The following SCN1A variants were observed in gnomAD, a reference collection of about 807,000 sequenced individuals.
The protein encoded by SCN1A is sodium channel protein type 1 subunit alpha.
SCN1A carries 13 observed loss-of-function variants against 193.7 expected under a neutral mutation model. That is an observed-to-expected ratio of 0.07 (90% CI 0.04 to 0.11). SCN1A has a LOEUF of 0.11. SCN1A is among the 10% of genes least tolerant of loss of function. The pLI, the probability that SCN1A is intolerant of heterozygous loss-of-function variation, is 1.00. For synonymous variants in SCN1A, 781 were observed against 843.6 expected, an observed-to-expected ratio of 0.93 and a Z score of 1.29; for missense variants, 1,432 against 2,451.1, an observed-to-expected ratio of 0.58 and a Z score of 8.78.
At chr2:166,105,160 G>GAA (rs1688551637) in intron 2 of SCN1A, among the ~76,000 whole-genome samples, 2 of 152,186 alleles carry the variant, frequency 1.3e-5, no homozygotes, top group Admixed American at 6.5e-5. Context: ...ATACTCTTTA[G>GAA]AAAGTGATGA....
At chr2:166,006,091 GAATT>G (rs1441847124) in intron 23 of SCN1A, among the ~76,000 whole-genome samples, 14 of 151,262 alleles carry the variant, frequency 9.3e-5, no homozygotes, top group African/African-American at 3.4e-4. Flanking sequence ...CTTTTTATCT[GAATT>G]AATTACTTTG....
intron 24 of SCN1A, 62 bp from the exon 25 acceptor site, chr2:165,999,838 T>C: frequency 8.9e-7 from 1 of 1,117,816 alleles, no homozygotes; most frequent in Non-Finnish European, 1.4e-6. Flanking sequence ...TGATGTTTAA[T>C]AAATATTCTT....
intron 1 of SCN1A, among the ~76,000 whole-genome samples, chr2:166,146,859 CA>C: frequency 6.6e-6 from 1 of 152,224 alleles, no homozygotes; most frequent in East Asian, 1.9e-4. Flanking sequence ...AAGGTATACT[CA>C]ATAATTGCAT....
chr2:166,072,865 T>C (rs1048102280), intron 4 of SCN1A, among the ~76,000 whole-genome samples: 11 of 130,388 alleles, frequency 8.4e-5, no homozygotes, highest in Non-Finnish European at 1.5e-4. Context: ...TTTGACACAG[T>C]CTTGCTCTGT....
chr2:166,102,820 T>C (rs1688253375), intron 2 of SCN1A, among the ~76,000 whole-genome samples: 1 of 152,136 alleles, frequency 6.6e-6, no homozygotes, highest in East Asian at 1.9e-4. Flanking sequence ...AATGGCTGAC[T>C]GGATAAAGAA....
intron 23 of SCN1A, among the ~76,000 whole-genome samples, chr2:166,004,997 G>C (rs1424170807): frequency 6.6e-6 from 1 of 151,402 alleles, no homozygotes; most frequent in Non-Finnish European, 1.5e-5. Context: ...GAAAAATGAG[G>C]TTAAAACAAG....
At chr2:166,025,654 AC>A (rs1475620763) in intron 19 of SCN1A, among the ~76,000 whole-genome samples, 2 of 152,200 alleles carry the variant, frequency 1.3e-5, no homozygotes, top group Admixed American at 1.3e-4. Context: ...TCTGCCTGAT[AC>A]ACCAAAGTTT....
chr2:166,100,814 A>G (rs1212709261), intron 2 of SCN1A, among the ~76,000 whole-genome samples: 1 of 79,416 alleles, frequency 1.3e-5, no homozygotes, highest in Admixed American at 1.5e-4. Flanking sequence ...ATGAGATACC[A>G]TCTCACACCA....
chr2:166,014,503 G>A (rs1559150469), intron 20 of SCN1A, among the ~76,000 whole-genome samples: 1 of 150,518 alleles, frequency 6.6e-6, no homozygotes, highest in Non-Finnish European at 1.5e-5. Flanking sequence ...GAGTACCATT[G>A]TAAGCACAAA....
At chr2:166,018,572 A>C (rs2105657601) in intron 19 of SCN1A, among the ~76,000 whole-genome samples, 1 of 152,160 alleles carries the variant, frequency 6.6e-6, no homozygotes, top group East Asian at 1.9e-4. Context: ...AAATACATGT[A>C]GATTTATGGT....
chr2:165,992,241 G>C lies in SCN1A; in HGVS notation c.5034C>G (p.Phe1678Leu), dbSNP rs1376046648. Residue 1678 changes from phenylalanine to leucine, a missense_variant, in exon 29 of 29, where the codon TTC (phenylalanine) becomes TTG (leucine). Physicochemically the swap from Phe to Leu is conservative, Grantham distance 22. Around this residue, in one of 18 missense-constraint regions of SCN1A, gnomAD observed 85 missense variants for 213.2 expected, o/e 0.40. Transcript: ENST00000674923. This position sits in a 1 kb window ranked among gnomAD's most constrained non-coding sequence, Gnocchi z 6.5. Reference protein sequence around the residue: ...PALFNIGLLLFLVMFIYAIFG... With the variant: ...PALFNIGLLLLLVMFIYAIFG... ...AGATGGCGTAGATGAACATGACTAGGAAGAGTAGGAGGCCGATGTTAAACA... is the reference window on the plus strand; with the variant it reads ...AGATGGCGTAGATGAACATGACTAGCAAGAGTAGGAGGCCGATGTTAAACA... The C allele has an allele frequency of 6.2e-7, 1 of 1,613,872 alleles. No homozygotes were observed. Among genetic ancestry groups the C allele is most frequent in the Non-Finnish European group, 8.5e-7 (1 of 1,179,906 alleles).
At chr2:166,044,195 G>A (rs140203775) in intron 13 of SCN1A, 146 bp from the exon 14 acceptor site, 31 of 987,626 alleles carry the variant, frequency 3.1e-5, no homozygotes, top group Admixed American at 2.0e-4. Context: ...CTCATTTTAT[G>A]TGCATTCACA....
chr2:166,101,490 C>T (rs547947734), intron 2 of SCN1A, among the ~76,000 whole-genome samples: 1 of 105,388 alleles, frequency 9.5e-6, no homozygotes, highest in Non-Finnish European at 1.9e-5. Flanking sequence ...GCACATGTAC[C>T]CTAAAACTTA....
chr2:166,073,301 G>A, intron 4 of SCN1A, 57 bp downstream of exon 4: 1 of 1,599,304 alleles, frequency 6.3e-7, no homozygotes, highest in Non-Finnish European at 8.6e-7. Flanking sequence ...TGCTACAACA[G>A]TCCAAGGAAT....
At chr2:166,095,187 T>C (rs1489230711) in intron 2 of SCN1A, among the ~76,000 whole-genome samples, 1 of 152,166 alleles carries the variant, frequency 6.6e-6, no homozygotes, top group Non-Finnish European at 1.5e-5. Flanking sequence ...AAGGCAGTTA[T>C]TATGTCTCTC....
At chr2:166,085,303 C>T (rs984425384) in intron 2 of SCN1A, among the ~76,000 whole-genome samples, 1 of 152,142 alleles carries the variant, frequency 6.6e-6, no homozygotes, top group African/African-American at 2.4e-5. Flanking sequence ...AGACTTTCAC[C>T]TTTCATTCTC....
chr2:166,015,978 C>T (rs566803167), intron 19 of SCN1A: 6 of 456,712 alleles, frequency 1.3e-5, no homozygotes, highest in African/African-American at 1.2e-4. Context: ...CCATCAGCCA[C>T]ATGTACTGAG....
chr2:166,069,325 G>A (rs1374963635), intron 4 of SCN1A, among the ~76,000 whole-genome samples: 2 of 149,072 alleles, frequency 1.3e-5, no homozygotes, highest in Non-Finnish European at 2.9e-5. Flanking sequence ...CATCAGGAAT[G>A]TTCATGATGC....
chr2:166,054,414 G>A (rs969649880), intron 7 of SCN1A, among the ~76,000 whole-genome samples: 13 of 151,882 alleles, frequency 8.6e-5, no homozygotes, highest in African/African-American at 3.1e-4. Flanking sequence ...GAAATTTTCT[G>A]ACTGATGCTA....
Sources: gnomAD v4.1 joint callset for allele counts (sites outside exome capture counted in the v4.1 genomes callset) on GRCh38, gnomAD v4.1.1 for gene constraint, gnomAD v4.1.1 regional missense constraint, Gnocchi (gnomAD v3.1) non-coding constraint, MANE v1.5 for transcripts, NCBI Gene and HGNC (gene_info 2026-07-23, HGNC 2026-07-21) for gene names.